The following HUWE1 variants were observed in gnomAD, a reference collection of about 807,000 sequenced individuals.
HUWE1 encodes HECT, UBA and WWE domain containing E3 ubiquitin protein ligase 1, also known as E3 ubiquitin-protein ligase HUWE1.
HUWE1 carries 18 observed loss-of-function variants against 299.4 expected under a neutral mutation model. The ratio of observed to expected loss-of-function variants is 0.06; its 90% CI spans 0.04 to 0.09. The LOEUF (loss-of-function observed/expected upper bound fraction) is 0.09. Among genes scored for constraint, HUWE1 ranks in the 10% least tolerant of loss-of-function variants. The probability of loss-of-function intolerance (pLI) is 1.00; values close to 1 mark genes in which losing one functional copy is unlikely to be tolerated. For synonymous variants in HUWE1, 1,317 were observed against 1,286.1 expected (o/e 1.02, Z -0.51); for missense variants, 1,832 against 3,462.3 (o/e 0.53, Z 11.82).
chrX:53,538,935 G>C lies in HUWE1; in HGVS notation c.11778C>G (p.Ala3926=). The change falls in exon 76 of 84, where the codon GCC becomes GCG. Residue 3926 remains alanine (A), a synonymous_variant. Coordinates refer to ENST00000262854, the MANE Select transcript of HUWE1 (RefSeq NM_031407.7). ...AGAATGGGTCAAGGGAGGAAGGCGT[G>C]GCTGGGGTTAAGGGGGCAGGGGAGA... is the stretch of plus-strand genomic sequence containing the variant. ...PPLSPAPLTP[A]TPSSLDPFFS... The C allele has an allele frequency of 4.1e-6, 5 of 1,208,907 alleles. No individual in the cohort carries two copies. The highest frequency in any genetic ancestry group is 5.6e-6 in the Non-Finnish European group (5 of 894,279).
chrX:53,673,197 C>T (rs371130442), intron 3 of HUWE1, among the ~76,000 whole-genome samples: 3 of 111,530 alleles, frequency 2.7e-5, no homozygotes, highest in African/African-American at 6.5e-5. Flanking sequence ...ATAATTTATA[C>T]CATTCTCACA....
intron 5 of HUWE1, 41 bp downstream of exon 5, chrX:53,648,171 G>T: frequency 1.2e-6 from 1 of 844,955 alleles, no homozygotes; most frequent in Non-Finnish European, 1.8e-6. Context: ...TGATGTATTA[G>T]TATGGTGAGT....
At position 53,594,507 on chromosome X, in the gene HUWE1, A is replaced by G. The variant is rs782474099; in HGVS notation, c.3495T>C (p.Ala1165=). ...AGCAACTTGATCCTTACTCAAAAAG[A>G]GCATTGTGGCCTCCGGAGCAGAGAA... ...QKFLCSGGHN[A]LFETFNWALS... Residue 1165 remains alanine (A), a synonymous_variant, in exon 31 of 84, where the codon GCT becomes GCC. Transcript: ENST00000262854. 5 of 1,210,310 alleles carry G rather than the reference A, an allele frequency of 4.1e-6. No individual in the cohort carries two copies. The highest frequency in any genetic ancestry group is 4.3e-5 in the Admixed American group (2 of 45,991).
At chrX:53,631,647 A>C in intron 9 of HUWE1, 33 bp from the exon 10 acceptor site, 1 of 1,063,219 alleles carries the variant, frequency 9.4e-7, no homozygotes, top group Non-Finnish European at 1.3e-6. Flanking sequence ...AGCTGTAAGG[A>C]GTCACTGAAC....
chrX:53,574,469 C>A (rs1340028044), intron 46 of HUWE1, among the ~76,000 whole-genome samples: 1 of 112,413 alleles, frequency 8.9e-6, no homozygotes, highest in African/African-American at 3.2e-5. Context: ...ACTTTAAGTA[C>A]AGGGAACAAA....
chrX:53,617,939 T>TA (rs1326607639), intron 19 of HUWE1, among the ~76,000 whole-genome samples: 1 of 112,315 alleles, frequency 8.9e-6, no homozygotes, highest in Non-Finnish European at 1.9e-5. Flanking sequence ...TGAAAATAGA[T>TA]AAACTGCCTC....
intron 47 of HUWE1, 135 bp from the exon 48 acceptor site, chrX:53,569,962 T>A (rs2062744503): frequency 3.4e-6 from 2 of 584,362 alleles, no homozygotes; most frequent in African/African-American, 2.2e-5. Flanking sequence ...ACTTTATAGA[T>A]GAAGAAGCCA....
chrX:53,534,980 A>G (rs1240218625), intron 81 of HUWE1, among the ~76,000 whole-genome samples: 1 of 107,162 alleles, frequency 9.3e-6, no homozygotes, highest in Non-Finnish European at 1.9e-5. Context: ...TCTGTTGCCC[A>G]GGCTGGAGAA....
chrX:53,574,930 A>T (rs1267291124), intron 46 of HUWE1, among the ~76,000 whole-genome samples: 1 of 112,560 alleles, frequency 8.9e-6, no homozygotes, highest in Non-Finnish European at 1.9e-5. Context: ...AAAATATGTT[A>T]CCACAGCAAC....
At chrX:53,659,372 C>T (rs1557044289) in intron 3 of HUWE1, among the ~76,000 whole-genome samples, 4 of 112,085 alleles carry the variant, frequency 3.6e-5, no homozygotes, top group African/African-American at 1.3e-4. Context: ...TAAAAAGAAA[C>T]GAGCTATCAA....
At chrX:53,602,996 C>T (rs1328736732) in intron 27 of HUWE1, among the ~76,000 whole-genome samples, 1 of 109,492 alleles carries the variant, frequency 9.1e-6, no homozygotes. Context: ...GGATTACAGG[C>T]GCCCGCCATT....
intron 3 of HUWE1, among the ~76,000 whole-genome samples, chrX:53,677,912 A>G (rs2069914434): frequency 9.0e-6 from 1 of 111,580 alleles, no homozygotes; most frequent in Admixed American, 9.5e-5. Flanking sequence ...TCATCTCCCT[A>G]CTTTTAGTCA....
Position 53,575,564 on chromosome X carries a change from G to C in HUWE1, c.6030+79C>G, listed in dbSNP as rs996398187. 50 of 1,008,947 alleles carry C rather than the reference G, an allele frequency of 5.0e-5. No individual in the cohort carries two copies. The African/African-American group carries it at 7.9e-4, about 16-fold the overall frequency. The allele number at this position is 1,008,947 out of a possible 1,213,427, so 83.1% of individuals were successfully genotyped here. A position where few individuals can be genotyped will look rare whatever the true frequency, so the allele number is the denominator to read the frequency against. On this transcript the variant is annotated intron_variant, in intron 45 of 83. Coordinates refer to ENST00000262854, the MANE Select transcript of HUWE1 (RefSeq NM_031407.7). ...ACAATTAATATCTTTGAAATTCCCC[G>C]GGGATAGCCCTAAATACTGAGACCA...
At chrX:53,640,574 G>A (rs1425609513) in intron 7 of HUWE1, among the ~76,000 whole-genome samples, 4 of 111,391 alleles carry the variant, frequency 3.6e-5, no homozygotes, top group Non-Finnish European at 7.5e-5. Context: ...ATTACCAAAG[G>A]CTGCAATGTA....
At chrX:53,675,099 A>G (rs1215335961) in intron 3 of HUWE1, among the ~76,000 whole-genome samples, 1 of 111,432 alleles carries the variant, frequency 9.0e-6, no homozygotes. Context: ...TATATGAAGT[A>G]CAGCTGTTTC....
At chrX:53,592,902 T>C (rs950569034) in intron 32 of HUWE1, among the ~76,000 whole-genome samples, 3 of 111,475 alleles carry the variant, frequency 2.7e-5, no homozygotes, top group Non-Finnish European at 5.7e-5. Flanking sequence ...GGATCCCTCA[T>C]TGTTTAGTGT....
In HUWE1 at chrX:53,659,763, C is replaced by G. The variant is rs782300652; in HGVS notation, c.-24-5632G>C. ...CCACTCTAGTGGGAGATGTTGATAA[C>G]AAGGGAGGCTATGCCTGTGTGGAGG... On this transcript the variant is annotated intron_variant, in intron 3 of 83. Coordinates refer to ENST00000262854, the MANE Select transcript of HUWE1 (RefSeq NM_031407.7). Among the ~76,000 whole-genome samples, 58 of 111,513 alleles carry G rather than the reference C, an allele frequency of 5.2e-4. 1 individual carries two copies. The highest frequency in any genetic ancestry group is 2.7e-3 in the Admixed American group (28 of 10,559).
intron 19 of HUWE1, among the ~76,000 whole-genome samples, chrX:53,623,856 C>T (rs1239488960): frequency 1.8e-5 from 2 of 111,891 alleles, no homozygotes; most frequent in Non-Finnish European, 3.8e-5. Flanking sequence ...AACTAGTCTC[C>T]CCAACACCCC....
chrX:53,673,319 G>C (rs1005149665), intron 3 of HUWE1, among the ~76,000 whole-genome samples: 2 of 111,402 alleles, frequency 1.8e-5, no homozygotes, highest in Non-Finnish European at 3.8e-5. Flanking sequence ...CCTATCCAGT[G>C]CTTGGGACCA....
Sources: gnomAD v4.1 joint callset for allele counts (sites outside exome capture counted in the v4.1 genomes callset) on GRCh38, gnomAD v4.1.1 for gene constraint, MANE v1.5 for transcripts, NCBI Gene and HGNC (gene_info 2026-07-23, HGNC 2026-07-21) for gene names.